PTPRD: variants seen among roughly 807,000 people sequenced by gnomAD.
PTPRD encodes protein tyrosine phosphatase receptor type D.
PTPRD carries 34 observed loss-of-function variants against 214.5 expected under a neutral mutation model. The observed-to-expected ratio is 0.16, with a 90% CI of 0.12 to 0.21. The LOEUF (loss-of-function observed/expected upper bound fraction) is 0.21. Ranked by LOEUF, PTPRD falls within the 10% of genes least tolerant of loss-of-function variation. The probability of loss-of-function intolerance (pLI) is 1.00; values close to 1 mark genes in which losing one functional copy is unlikely to be tolerated. For synonymous variants in PTPRD, 1,128 were observed against 845.7 expected, an observed-to-expected ratio of 1.33 and a Z score of -5.79; for missense variants, 2,545 against 2,398.7, an observed-to-expected ratio of 1.06 and a Z score of -1.27.
chr9:8,928,083 T>C (rs1377111586), intron 11 of PTPRD, among the ~76,000 whole-genome samples: 4 of 152,194 alleles, frequency 2.6e-5, no homozygotes, highest in Non-Finnish European at 1.5e-5. Context: ...TTAAAATTAT[T>C]TGCAGATTCT....
intron 12 of PTPRD, among the ~76,000 whole-genome samples, chr9:8,646,975 T>C (rs76682353): frequency 6.6e-6 from 1 of 152,222 alleles, no homozygotes; most frequent in Non-Finnish European, 1.5e-5. Context: ...TATTTGTTTA[T>C]AGTTTGGCGA....
rs530788360 is a variant in PTPRD at position 10,560,590 on chromosome 9, C to T, written c.-600+51808G>A. On this transcript the variant is annotated intron_variant, in intron 2 of 45. Transcript: ENST00000381196. ...AACAATAAAAAAATAAACAAAAATT[C>T]AAATGAAGGTTGATGTCCAGTTTAA... 2.0e-5 allele frequency among the ~76,000 whole-genome samples: 3 copies of T among 152,006 alleles called. No individual in the cohort carries two copies. In the South Asian group the frequency reaches 6.2e-4, roughly 32 times the overall value.
At chr9:8,924,301 T>A (rs1334804925) in intron 11 of PTPRD, among the ~76,000 whole-genome samples, 3 of 152,184 alleles carry the variant, frequency 2.0e-5, no homozygotes, top group African/African-American at 7.2e-5. Flanking sequence ...ACTATTTCAA[T>A]CAGGTATTTA....
chr9:9,914,823 C>T (rs1252158035), intron 5 of PTPRD, among the ~76,000 whole-genome samples: 1 of 152,088 alleles, frequency 6.6e-6, no homozygotes, highest in Non-Finnish European at 1.5e-5. Flanking sequence ...AAATATGCCC[C>T]CAAACTAGCT....
At chr9:8,878,364 G>A (rs540177934) in intron 11 of PTPRD, among the ~76,000 whole-genome samples, 3 of 152,252 alleles carry the variant, frequency 2.0e-5, no homozygotes, top group South Asian at 2.1e-4. Context: ...ACAAATTAAA[G>A]AGACAGAACC....
chr9:10,182,630 C>T (rs1177519887), intron 3 of PTPRD, among the ~76,000 whole-genome samples: 1 of 152,066 alleles, frequency 6.6e-6, no homozygotes, highest in African/African-American at 2.4e-5. Flanking sequence ...AAGATATATT[C>T]TAACATACTA....
At chr9:9,131,668 T>A (rs1311238183) in intron 10 of PTPRD, among the ~76,000 whole-genome samples, 2 of 152,126 alleles carry the variant, frequency 1.3e-5, no homozygotes, top group African/African-American at 4.8e-5. Context: ...CTTAATTAAT[T>A]GAAATATCAG....
At chr9:10,572,881 AT>A (rs999721208) in intron 2 of PTPRD, among the ~76,000 whole-genome samples, 42 of 151,854 alleles carry the variant, frequency 2.8e-4, no homozygotes, top group African/African-American at 9.9e-4. Flanking sequence ...TCTTTTTTTT[AT>A]TTTTTTAAAC....
chr9:9,594,124 G>T (rs540285883), intron 7 of PTPRD, among the ~76,000 whole-genome samples: 1 of 151,970 alleles, frequency 6.6e-6, no homozygotes, highest in African/African-American at 2.4e-5. Context: ...TATGAAAGAA[G>T]ATCACTTACT....
intron 8 of PTPRD, among the ~76,000 whole-genome samples, chr9:9,465,147 C>G (rs2094028803): frequency 6.6e-6 from 1 of 152,120 alleles, no homozygotes; most frequent in Admixed American, 6.5e-5. Flanking sequence ...TAGTTTTGAT[C>G]TTAAAATACA....
intron 3 of PTPRD, among the ~76,000 whole-genome samples, chr9:10,214,318 C>A (rs529596862): frequency 6.6e-6 from 1 of 152,046 alleles, no homozygotes; most frequent in Non-Finnish European, 1.5e-5. Flanking sequence ...CTCTTGTCGC[C>A]CAGGCTGGAG....
chr9:10,576,327 A>C (rs1006631967), intron 2 of PTPRD, among the ~76,000 whole-genome samples: 4 of 152,126 alleles, frequency 2.6e-5, no homozygotes, highest in African/African-American at 9.7e-5. Flanking sequence ...CTTTGAGGGA[A>C]ACTTTCTGTT....
At chr9:9,937,477 T>C (rs1008254213) in intron 5 of PTPRD, among the ~76,000 whole-genome samples, 52 of 151,716 alleles carry the variant, frequency 3.4e-4, no homozygotes, top group African/African-American at 1.3e-3. Flanking sequence ...AAATATTTTA[T>C]AAATTTTATA....
At position 8,690,107 on chromosome 9, in the gene PTPRD, T is replaced by TAA. The variant is rs74902579; in HGVS notation, c.64+43671_64+43672dup. ...TAGGAGTTACAGCGAGACTCCATCT[T>TAA]AAAAAAAAAAAAAAAAGAAAAATTA... is the stretch of plus-strand genomic sequence containing the variant. On this transcript the variant is annotated intron_variant, in intron 12 of 45. Coordinates refer to ENST00000381196, the MANE Select transcript of PTPRD (RefSeq NM_002839.4). Among the ~76,000 whole-genome samples, 252 of 131,172 alleles carry TAA rather than the reference T, an allele frequency of 1.9e-3. 2 individuals are homozygous for TAA. Among genetic ancestry groups the TAA allele is most frequent in the African/African-American group, 6.5e-3 (233 of 35,766 alleles). 86.1% of individuals were successfully genotyped at this position (131,172 alleles called of 152,430 possible).
chr9:10,103,656 G>A (rs1215559281), intron 3 of PTPRD, among the ~76,000 whole-genome samples: 1 of 151,134 alleles, frequency 6.6e-6, no homozygotes, highest in African/African-American at 2.4e-5. Flanking sequence ...GTCTCTCCTT[G>A]ATCCCTCCCC....
intron 2 of PTPRD, among the ~76,000 whole-genome samples, chr9:10,573,505 C>T (rs2068152287): frequency 6.6e-6 from 1 of 152,064 alleles, no homozygotes; most frequent in South Asian, 2.1e-4. Flanking sequence ...AGATGGCCAA[C>T]TAGACATAGC....
At chr9:9,002,783 G>T (rs533230415) in intron 11 of PTPRD, among the ~76,000 whole-genome samples, 1 of 152,012 alleles carries the variant, frequency 6.6e-6, no homozygotes, top group Non-Finnish European at 1.5e-5. Flanking sequence ...AGTTGTTCTT[G>T]CTTGACCAGC....
intron 3 of PTPRD, among the ~76,000 whole-genome samples, chr9:10,061,564 T>C (rs1283393503): frequency 6.6e-6 from 1 of 151,988 alleles, no homozygotes; most frequent in Non-Finnish European, 1.5e-5. Context: ...TAGTCTAGAG[T>C]GAATCTTATA....
At chr9:9,518,598 A>G (rs2096891205) in intron 8 of PTPRD, among the ~76,000 whole-genome samples, 1 of 152,064 alleles carries the variant, frequency 6.6e-6, no homozygotes, top group Admixed American at 6.6e-5. Context: ...TCCTGCCTCT[A>G]ACATGGAGGA....
Sources: allele counts gnomAD v4.1 joint callset (sites outside exome capture counted in the v4.1 genomes callset), GRCh38; gene constraint gnomAD v4.1.1; transcripts MANE v1.5; gene names NCBI Gene and HGNC (gene_info 2026-07-23, HGNC 2026-07-21).